DMD: variants seen among roughly 807,000 people sequenced by gnomAD.
DMD encodes mutant dystrophin.
Under a neutral mutation model 330.1 loss-of-function variants are expected in DMD, and 63 were observed. The observed-to-expected ratio is 0.19, with a 90% CI of 0.16 to 0.24. The LOEUF is 0.24. Among genes scored for constraint, DMD ranks in the 10% least tolerant of loss-of-function variants. DMD has a pLI of 1.00. For synonymous variants in DMD, 1,223 were observed against 959.8 expected, an observed-to-expected ratio of 1.27 and a Z score of -5.07; for missense variants, 3,344 against 2,684.1, an observed-to-expected ratio of 1.25 and a Z score of -5.43.
At chrX:32,665,559 T>G (rs768150513) in intron 9 of DMD, among the ~76,000 whole-genome samples, 1 of 112,188 alleles carries the variant, frequency 8.9e-6, no homozygotes, top group East Asian at 2.8e-4. Context: ...AACTATGTAT[T>G]AATCACTCAC....
At chrX:32,607,126 C>T (rs1260639354) in intron 12 of DMD, among the ~76,000 whole-genome samples, 2 of 109,882 alleles carry the variant, frequency 1.8e-5, no homozygotes, top group African/African-American at 6.6e-5. Flanking sequence ...CACATGCACC[C>T]CCTCAATCTA....
intron 56 of DMD, among the ~76,000 whole-genome samples, chrX:31,499,155 T>G: frequency 8.9e-6 from 1 of 111,767 alleles, no homozygotes; most frequent in Middle Eastern, 4.6e-3. Flanking sequence ...AGACACTGAT[T>G]AAATAAATAT....
At chrX:31,496,007 T>A (rs1170334620) in intron 57 of DMD, among the ~76,000 whole-genome samples, 1 of 112,103 alleles carries the variant, frequency 8.9e-6, no homozygotes, top group Non-Finnish European at 1.9e-5. Flanking sequence ...TAAATGTACA[T>A]TTTTTCTATT....
At chrX:32,834,779 A>C (rs1271380900) in intron 4 of DMD, among the ~76,000 whole-genome samples, 1 of 112,048 alleles carries the variant, frequency 8.9e-6, no homozygotes, top group East Asian at 2.8e-4. Context: ...CAACTGTGTC[A>C]GTTAATATTA....
rs1424684727 is a variant in DMD at position 32,070,947 on chromosome X, G to C, written c.6439-102433C>G. ...CTTACTCATTGCAATAGTTTGCTGA[G>C]AATGATGGTTTCCAGCTTCATCCAT... is the stretch of plus-strand genomic sequence containing the variant. On this transcript the variant is annotated intron_variant, in intron 44 of 78. Transcript: ENST00000357033. Among the ~76,000 whole-genome samples, 3 of 111,419 alleles carry C rather than the reference G, an allele frequency of 2.7e-5. No homozygotes were observed. In the Admixed American group the frequency reaches 2.9e-4, roughly 11 times the overall value.
chrX:32,774,506 C>T lies in DMD; in HGVS notation c.649+34987G>A, dbSNP rs374467768. 1.2e-4 allele frequency among the ~76,000 whole-genome samples: 13 copies of T among 111,456 alleles called. No homozygotes were observed. The East Asian group carries it at 1.7e-3, about 15-fold the overall frequency. The stretch of plus-strand genomic sequence containing the variant: ...AAGAGGTTTAATTGATTCACAGTTC[C>T]GCATGGCTGGGGAAGCCTCAGGAAA... On this transcript the variant is annotated intron_variant, in intron 7 of 78. Transcript: ENST00000357033.
chrX:32,051,498 C>T (rs1341400996), intron 44 of DMD, among the ~76,000 whole-genome samples: 1 of 109,395 alleles, frequency 9.1e-6, no homozygotes, highest in African/African-American at 3.3e-5. Flanking sequence ...AAATGGCCTA[C>T]TTTTTATGAT....
At chrX:33,215,133 C>T (rs1569558702), upstream of DMD, among the ~76,000 whole-genome samples, 1 of 109,972 alleles carries the variant, frequency 9.1e-6, no homozygotes, top group Non-Finnish European at 1.9e-5. Context: ...CTCAGGAGTT[C>T]AAGACCAGCC....
intron 11 of DMD, among the ~76,000 whole-genome samples, chrX:32,637,341 T>C (rs1200019655): frequency 8.9e-6 from 1 of 112,270 alleles, no homozygotes; most frequent in Non-Finnish European, 1.9e-5. Context: ...ATAACTTAAT[T>C]ATGAACAAGA....
At chrX:32,656,767 A>G (rs1013132955) in intron 9 of DMD, among the ~76,000 whole-genome samples, 1 of 111,847 alleles carries the variant, frequency 8.9e-6, no homozygotes, top group Non-Finnish European at 1.9e-5. Flanking sequence ...AGCACAGTAC[A>G]CAGATAATAA....
chrX:32,976,215 G>A (rs1342232614), intron 2 of DMD, among the ~76,000 whole-genome samples: 2 of 11,867 alleles, frequency 1.7e-4, no homozygotes, highest in African/African-American at 4.1e-4. Context: ...AACGAGACTC[G>A]TCTCAAAAAA....
intron 60 of DMD, among the ~76,000 whole-genome samples, chrX:31,368,056 T>C (rs964231059): frequency 3.6e-5 from 4 of 111,688 alleles, no homozygotes; most frequent in Admixed American, 9.5e-5. Context: ...CTGTGCAAGT[T>C]CTAACTCGTG....
At chrX:32,225,263 A>T (rs1213620561) in intron 43 of DMD, among the ~76,000 whole-genome samples, 2 of 111,943 alleles carry the variant, frequency 1.8e-5, no homozygotes, top group African/African-American at 6.5e-5. Context: ...TGAAGTTCAA[A>T]AAAAAGGTAT....
At chrX:32,389,190 G>A (rs1007016267) in intron 32 of DMD, among the ~76,000 whole-genome samples, 1 of 111,226 alleles carries the variant, frequency 9.0e-6, no homozygotes, top group Non-Finnish European at 1.9e-5. Flanking sequence ...TGCAACTACT[G>A]TTGTTGTTAC....
chrX:32,728,625 T>A lies in DMD; in HGVS notation c.650-29332A>T, dbSNP rs143386096. On this transcript the variant is annotated intron_variant, in intron 7 of 78. Coordinates refer to ENST00000357033, the MANE Select transcript of DMD (RefSeq NM_004006.3). ...AGCTTGTCTTATCAGACATTTCACC[T>A]TGGCCTATGAGAAAATGTGATAGTT... is the stretch of plus-strand genomic sequence containing the variant. Among the ~76,000 whole-genome samples the A allele has an allele frequency of 4.9e-3, 549 of 112,349 alleles. 13 individuals carry two copies. The highest frequency in any genetic ancestry group is 0.017 in the African/African-American group (520 of 31,026).
intron 1 of DMD, among the ~76,000 whole-genome samples, chrX:33,054,898 G>T (rs1005794496): frequency 8.9e-6 from 1 of 111,743 alleles, no homozygotes; most frequent in South Asian, 3.8e-4. Context: ...GGCAGTTTTT[G>T]ATCTCATATA....
intron 1 of DMD, among the ~76,000 whole-genome samples, chrX:33,317,372 C>A (rs141706184): frequency 1.1e-3 from 122 of 111,663 alleles, no homozygotes; most frequent in African/African-American, 3.7e-3. Context: ...GCAAACACTA[C>A]AATATATTTC....
intron 2 of DMD, among the ~76,000 whole-genome samples, chrX:32,863,537 T>TAC (rs199774174): frequency 0.093 from 7,246 of 78,095 alleles, 365 homozygotes; most frequent in East Asian, 0.22. Flanking sequence ...ATTGTGTTTA[T>TAC]ACACACACAC....
intron 60 of DMD, among the ~76,000 whole-genome samples, chrX:31,350,875 G>A (rs756268655): frequency 3.0e-4 from 33 of 110,370 alleles, no homozygotes; most frequent in Non-Finnish European, 5.5e-4. Context: ...CAATGTGGGC[G>A]GGCATCATCC....
Sources: gnomAD v4.1 joint callset for allele counts (sites outside exome capture counted in the v4.1 genomes callset) on GRCh38, gnomAD v4.1.1 for gene constraint, MANE v1.5 for transcripts, NCBI Gene and HGNC (gene_info 2026-07-23, HGNC 2026-07-21) for gene names.